Variants in PELI1 observed in about 807,000 individuals in gnomAD.
PELI1 encodes pellino E3 ubiquitin protein ligase 1.
A neutral mutation model predicts 41.3 loss-of-function variants in PELI1; 15 were observed. That is an observed-to-expected ratio of 0.36 (90% CI 0.24 to 0.56). The LOEUF (loss-of-function observed/expected upper bound fraction) is 0.56, where lower values mean the gene tolerates loss of function less well. Among genes scored for constraint, PELI1 ranks in the 20% least tolerant of loss-of-function variants. The pLI is 0.82. For synonymous variants in PELI1, 178 were observed against 180.1 expected, an observed-to-expected ratio of 0.99 and a Z score of 0.09; for missense variants, 403 against 525.5, an observed-to-expected ratio of 0.77 and a Z score of 2.28.
chr2:64,109,617 T>G (rs890834785), intron 1 of PELI1, among the ~76,000 whole-genome samples: 2 of 151,188 alleles, frequency 1.3e-5, no homozygotes, highest in Admixed American at 1.3e-4. Context: ...GAGGAGGAGG[T>G]TGCAGTGAGC....
intron 1 of PELI1, among the ~76,000 whole-genome samples, chr2:64,139,392 A>G (rs1023761216): frequency 1.3e-5 from 2 of 152,050 alleles, no homozygotes; most frequent in African/African-American, 4.8e-5. Context: ...TGCAGCCTCA[A>G]TCTCCCAGGC....
At chr2:64,113,001 G>C (rs980267645) in intron 1 of PELI1, among the ~76,000 whole-genome samples, 7 of 151,786 alleles carry the variant, frequency 4.6e-5, no homozygotes, top group Admixed American at 2.0e-4. Flanking sequence ...TCCTAGGCTG[G>C]GCATGGTGGC....
In PELI1 at chr2:64,141,368, T is replaced by C. The variant is rs551307176; in HGVS notation, c.-70+2713A>G. Among the ~76,000 whole-genome samples the C allele has an allele frequency of 1.1e-4, 16 of 144,376 alleles. No individual in the cohort carries two copies. The South Asian group carries it at 3.4e-3, about 30-fold the overall frequency. 94.7% of individuals were successfully genotyped at this position (144,376 alleles called of 152,430 possible). ...CATCATATATTAGTCATTATGAAAT[T>C]TTAATATTTACAGTTAAATATATCT... On this transcript the variant is annotated intron_variant, in intron 1 of 6. Coordinates refer to ENST00000358912, the MANE Select transcript of PELI1 (RefSeq NM_020651.4).
intron 1 of PELI1, among the ~76,000 whole-genome samples, chr2:64,118,800 C>T (rs1681104868): frequency 6.6e-6 from 1 of 152,104 alleles, no homozygotes; most frequent in Non-Finnish European, 1.5e-5. Context: ...AGATCTCTTT[C>T]TTGAGAAGAT....
intron 6 of PELI1, among the ~76,000 whole-genome samples, chr2:64,095,510 C>CCAGATGTTT (rs1680203389): frequency 6.6e-6 from 1 of 152,030 alleles, no homozygotes; most frequent in African/African-American, 2.4e-5. Context: ...AAACATCTGG[C>CCAGATGTTT]TAATCAATAA....
At chr2:64,134,756 A>C (rs1050099262) in intron 1 of PELI1, among the ~76,000 whole-genome samples, 11 of 152,190 alleles carry the variant, frequency 7.2e-5, no homozygotes, top group Non-Finnish European at 1.3e-4. Flanking sequence ...AAATAAACCC[A>C]GAGGAACATG....
intron 1 of PELI1, among the ~76,000 whole-genome samples, chr2:64,122,257 G>GT (rs891872100): frequency 7.0e-6 from 1 of 142,748 alleles, no homozygotes; most frequent in Non-Finnish European, 1.5e-5. Flanking sequence ...TTAAACTTCC[G>GT]TATTTTCCTC....
rs369004043 is a variant in PELI1 at position 64,094,752 on chromosome 2, C to T, written c.1207G>A (p.Ala403Thr). Reference protein sequence around the residue: ...AACPFCAHQLAGEQGYIRLIF... With the variant: ...AACPFCAHQLTGEQGYIRLIF... The stretch of plus-strand genomic sequence containing the variant: ...AGTCTGATGTAGCCTTGTTCACCAG[C>T]CAACTGATGTGCACAAAAGGGACAG... The change falls in exon 7 of 7, where the codon GCT (alanine) becomes ACT (threonine). Residue 403 changes from alanine (A) to threonine (T), a missense_variant. Physicochemically the swap from Ala to Thr is moderately conservative, Grantham distance 58 (BLOSUM62 0). Coordinates refer to ENST00000358912, the MANE Select transcript of PELI1 (RefSeq NM_020651.4). 11 of 1,614,018 alleles carry T rather than the reference C, an allele frequency of 6.8e-6. No individual in the cohort carries two copies. The highest frequency in any genetic ancestry group is 9.3e-6 in the Non-Finnish European group (11 of 1,180,014).
At chr2:64,133,225 A>G (rs1490858521) in intron 1 of PELI1, among the ~76,000 whole-genome samples, 2 of 152,184 alleles carry the variant, frequency 1.3e-5, no homozygotes, top group Non-Finnish European at 2.9e-5. Flanking sequence ...TTCTTCAATC[A>G]TTTGTTTTAA....
At chr2:64,132,591 C>T (rs1681591076) in intron 1 of PELI1, among the ~76,000 whole-genome samples, 1 of 152,110 alleles carries the variant, frequency 6.6e-6, no homozygotes, top group African/African-American at 2.4e-5. Context: ...GAATGACCAC[C>T]TATGTCAAGT....
intron 6 of PELI1, among the ~76,000 whole-genome samples, chr2:64,095,843 A>G (rs994434947): frequency 6.6e-6 from 1 of 152,150 alleles, no homozygotes; most frequent in Non-Finnish European, 1.5e-5. Context: ...GGGTTTCTCC[A>G]TGTGGCTCAG....
intron 1 of PELI1, among the ~76,000 whole-genome samples, chr2:64,122,311 G>A (rs1681249364): frequency 8.0e-6 from 1 of 125,622 alleles, no homozygotes; most frequent in African/African-American, 3.1e-5. Context: ...TGAGCTCAGG[G>A]AAAATGATAA....
intron 1 of PELI1, among the ~76,000 whole-genome samples, chr2:64,121,880 G>A (rs1293768794): frequency 6.7e-6 from 1 of 149,456 alleles, no homozygotes; most frequent in East Asian, 1.9e-4. Context: ...ACTCCAGCCT[G>A]GACAACAAGA....
intron 3 of PELI1, among the ~76,000 whole-genome samples, chr2:64,103,626 A>G (rs1680520605): frequency 6.6e-6 from 1 of 152,190 alleles, no homozygotes; most frequent in Non-Finnish European, 1.5e-5. Flanking sequence ...TGGCTCCCAA[A>G]TAGTAACAGA....
intron 1 of PELI1, among the ~76,000 whole-genome samples, chr2:64,138,791 T>G (rs1681802821): frequency 6.6e-6 from 1 of 152,128 alleles, no homozygotes; most frequent in Non-Finnish European, 1.5e-5. Flanking sequence ...CATACACATA[T>G]CCCATTTATT....
intron 1 of PELI1, among the ~76,000 whole-genome samples, chr2:64,135,294 C>T (rs1339296465): frequency 6.6e-6 from 1 of 151,960 alleles, no homozygotes; most frequent in African/African-American, 2.4e-5. Context: ...CTACTGTTTC[C>T]TACATTATTG....
Position 64,104,794 on chromosome 2 carries a change from C to A in PELI1, c.108G>T (p.Arg36Ser), listed in dbSNP as rs1558474792. Reference protein sequence around the residue: ...NGSLPNGDRGRRKSRFALFKR... With the variant: ...NGSLPNGDRGSRKSRFALFKR... ...TAAACAAAGCAAACCTACTTTTCCTCCTTCCTCTATCGCCATTTGGGAGAG... is the reference window on the plus strand; with the variant it reads ...TAAACAAAGCAAACCTACTTTTCCTACTTCCTCTATCGCCATTTGGGAGAG... Residue 36 changes from arginine to serine, a missense_variant, in exon 3 of 7, where the codon AGG becomes AGT. Coordinates refer to ENST00000358912, the MANE Select transcript of PELI1 (RefSeq NM_020651.4). 4 of 1,613,540 alleles carry A rather than the reference C, an allele frequency of 2.5e-6. No homozygotes were observed. In the South Asian group the frequency reaches 4.4e-5, roughly 18 times the overall value.
chr2:64,121,214 T>C (rs1681198503), intron 1 of PELI1, among the ~76,000 whole-genome samples: 1 of 152,228 alleles, frequency 6.6e-6, no homozygotes, highest in East Asian at 1.9e-4. Flanking sequence ...TTGATGATCC[T>C]GCCTTGTCAT....
At chr2:64,112,552 C>T (rs1680838650) in intron 1 of PELI1, among the ~76,000 whole-genome samples, 1 of 152,150 alleles carries the variant, frequency 6.6e-6, no homozygotes, top group African/African-American at 2.4e-5. Context: ...TCCAATCAGA[C>T]ATATTCTTAC....
Sources: gnomAD v4.1 joint callset for allele counts (sites outside exome capture counted in the v4.1 genomes callset) on GRCh38, gnomAD v4.1.1 for gene constraint, MANE v1.5 for transcripts, NCBI Gene and HGNC (gene_info 2026-07-23, HGNC 2026-07-21) for gene names.